Variants in FANCD2 observed in about 807,000 individuals in gnomAD.
FANCD2 encodes FA complementation group D2.
Under a neutral mutation model 192.3 loss-of-function variants are expected in FANCD2, and 131 were observed. The observed-to-expected ratio is 0.68, with a 90% CI of 0.59 to 0.79. The LOEUF (loss-of-function observed/expected upper bound fraction) is 0.79. FANCD2 is among the 30% of genes least tolerant of loss of function. The pLI, the probability that FANCD2 is intolerant of heterozygous loss-of-function variation, is 0.00. For missense variants in FANCD2, 1,508 were observed against 1,701.6 expected (o/e 0.89, Z 2.00); for synonymous variants, 524 against 612.5 (o/e 0.86, Z 2.13).
Position 10,096,450 on chromosome 3 carries a change from A to G in FANCD2, c.4163A>G (p.Asn1388Ser), listed in dbSNP as rs745472884. 12 of 1,614,044 alleles carry G rather than the reference A, an allele frequency of 7.4e-6. No homozygotes were observed. Among genetic ancestry groups the G allele is most frequent in the Admixed American group, 1.7e-5 (1 of 60,000 alleles). ...NNCREAFWLG[N>S]LKNRDLQGEE... ...TGTAGAGAGGCTTTCTGGCTGGGCA[A>G]TCTAAAAAACCGGGACTTGCAGGTA... Residue 1388 changes from asparagine (N) to serine (S), a missense_variant, in exon 42 of 44, where the codon AAT becomes AGT. Around this residue, in one of 5 missense-constraint regions of FANCD2, gnomAD observed 796 missense variants for 879.4 expected, o/e 0.91. Transcript: ENST00000675286.
chr3:10,078,823 C>T (rs929184355), intron 30 of FANCD2, among the ~76,000 whole-genome samples: 3 of 151,592 alleles, frequency 2.0e-5, no homozygotes, highest in Admixed American at 6.6e-5. Flanking sequence ...AAGAACTAGC[C>T]GGGCATGGTG....
chr3:10,035,316 T>C (rs2086701490), intron 6 of FANCD2, 83 bp downstream of exon 6: 3 of 1,200,570 alleles, frequency 2.5e-6, no homozygotes, highest in Non-Finnish European at 3.7e-6. Context: ...GAACACAGGA[T>C]AGAGTAGGGT....
chr3:10,035,222 G>C lies in FANCD2; in HGVS notation c.427G>C (p.Asp143His). The C allele has an allele frequency of 6.2e-7, 1 of 1,613,360 alleles. No homozygotes were observed. Among genetic ancestry groups the C allele is most frequent in the Non-Finnish European group, 8.5e-7 (1 of 1,179,498 alleles). Residue 143 changes from aspartate (D) to histidine (H), a missense_variant, in exon 6 of 44, where the codon GAC becomes CAC. Physicochemically the swap from Asp to His is moderately conservative, Grantham distance 81. Coordinates refer to ENST00000675286, the MANE Select transcript of FANCD2 (RefSeq NM_001018115.3). ...TCTCATCAAACTGCTTCTGGGGATT[G>C]ACATACTGCAGGTAAGACTGTCACT... Reference protein sequence around the residue: ...KSLIKLLLGIDILQPAIIKTL... With the variant: ...KSLIKLLLGIHILQPAIIKTL...
At position 10,049,452 on chromosome 3, in the gene FANCD2, G is replaced by A; in HGVS notation, c.1492G>A (p.Glu498Lys). 1.2e-6 allele frequency: 2 copies of A among 1,606,606 alleles called. No individual in the cohort carries two copies. Among genetic ancestry groups the A allele is most frequent in the East Asian group, 2.2e-5 (1 of 44,868 alleles). The change falls in exon 17 of 44, where the codon GAG (glutamate) becomes AAG (lysine). Residue 498 changes from glutamate (E) to lysine (K), a missense_variant. By Grantham distance (56) the Glu-to-Lys change is moderately conservative. Coordinates refer to ENST00000675286, the MANE Select transcript of FANCD2 (RefSeq NM_001018115.3). ...TGATACTGCCTTAGATGTCCTTCTA[G>A]AGTTGGTAGTGTTAAACCCATCTGC... Reference protein sequence around the residue: ...EVDTALDVLLELVVLNPSAMM... With the variant: ...EVDTALDVLLKLVVLNPSAMM...
chr3:10,075,728 C>CTTTT (rs71052292), intron 29 of FANCD2, among the ~76,000 whole-genome samples: 2,514 of 106,586 alleles, frequency 0.024, 221 homozygotes, highest in African/African-American at 0.089. Flanking sequence ...AAATAGTATC[C>CTTTT]TTTTTTTTTT....
chr3:10,096,936 A>C (rs1334726771), intron 42 of FANCD2, among the ~76,000 whole-genome samples: 1 of 152,108 alleles, frequency 6.6e-6, no homozygotes, highest in Non-Finnish European at 1.5e-5. Flanking sequence ...TATTTTCCTA[A>C]GTGTCAGCTG....
intron 42 of FANCD2, 68 bp from the exon 43 acceptor site, chr3:10,098,652 A>G (rs1046694316): frequency 3.2e-6 from 5 of 1,579,614 alleles, no homozygotes; most frequent in Non-Finnish European, 3.4e-6. Context: ...TGTAAACTCA[A>G]CCTTCTCCCC....
chr3:10,098,982 C>A, intron 43 of FANCD2, 167 bp downstream of exon 43: 2 of 1,614,002 alleles, frequency 1.2e-6, no homozygotes, highest in Non-Finnish European at 1.7e-6. Context: ...TTTTGGGACC[C>A]AGAAGAAACA....
rs777306543 is a variant in FANCD2, at chr3:10,043,547, G to T, written c.1053G>T (p.Lys351Asn). ...SCIILLFDVI[K>N]SAIRYEKTIS... ...TTATTCTCCTCTTTGATGTAATAAA[G>T]TCAGCTATTAGATATGAGAAAACCA... The change falls in exon 13 of 44, where the codon AAG (lysine) becomes AAT (asparagine). Residue 351 changes from lysine (K) to asparagine (N), a missense_variant. By Grantham distance (94) the Lys-to-Asn change is moderately conservative (BLOSUM62 0). Transcript: ENST00000675286. 3 of 1,613,864 alleles carry T rather than the reference G, an allele frequency of 1.9e-6. No individual in the cohort carries two copies. Among genetic ancestry groups the T allele is most frequent in the Non-Finnish European group, 2.5e-6 (3 of 1,179,788 alleles).
intron 27 of FANCD2, 132 bp from the exon 28 acceptor site, chr3:10,073,121 T>G: frequency 2.3e-6 from 2 of 861,102 alleles, no homozygotes; most frequent in South Asian, 2.9e-5. Context: ...ATAAATATAC[T>G]GTAATTTAGG....
At position 10,036,086 on chromosome 3, in the gene FANCD2, C is replaced by CTTTTTTTTTTTTTTTTTTTTTTTT. The variant is rs532765216; in HGVS notation, c.439-182_439-181insTTTTTTTTTTTTTTTTTTTTTTTT. Among the ~76,000 whole-genome samples, 446 of 102,500 alleles carry CTTTTTTTTTTTTTTTTTTTTTTTT rather than the reference C, an allele frequency of 4.4e-3. 41 individuals carry two copies. The highest frequency in any genetic ancestry group is 6.5e-3 in the African/African-American group (156 of 23,950). 67.2% of individuals were successfully genotyped at this position (102,500 alleles called of 152,430 possible). On this transcript the variant is annotated intron_variant, in intron 6 of 43. Coordinates refer to ENST00000675286, the MANE Select transcript of FANCD2 (RefSeq NM_001018115.3). Reference sequence around the variant, plus strand: ...TAGTTGGAAAGAGAATTATACATTTCTTTTTTTTTTTTTTTTTTTGAGTCA... The same window carrying CTTTTTTTTTTTTTTTTTTTTTTTT: ...TAGTTGGAAAGAGAATTATACATTTCTTTTTTTTTTTTTTTTTTTTTTTTTTTTTTTTTTTTTTTTTTTGAGTCA...
At chr3:10,057,034 T>C (rs1230228589) in intron 18 of FANCD2, among the ~76,000 whole-genome samples, 1 of 152,150 alleles carries the variant, frequency 6.6e-6, no homozygotes, top group Non-Finnish European at 1.5e-5. Context: ...TTTTATAATT[T>C]TGGTAGACAT....
intron 30 of FANCD2, among the ~76,000 whole-genome samples, chr3:10,078,599 C>T (rs1693659285): frequency 6.6e-6 from 1 of 151,776 alleles, no homozygotes; most frequent in Admixed American, 6.5e-5. Flanking sequence ...TGTGATCCGC[C>T]CACCTTGGCC....
intron 43 of FANCD2, chr3:10,099,753 G>A (rs752236696): frequency 2.0e-5 from 3 of 152,182 alleles, no homozygotes; most frequent in African/African-American, 4.8e-5. Flanking sequence ...GTGAGACTCC[G>A]TCTCAACAAC....
rs761258624 is a variant in FANCD2 at position 10,043,541 on chromosome 3, A to T, written c.1047A>T (p.Val349=). 6.2e-7 allele frequency: 1 copy of T among 1,613,930 alleles called. No individual in the cohort carries two copies. The change falls in exon 13 of 44, where the codon GTA becomes GTT. Residue 349 remains valine (V), a synonymous_variant. Coordinates refer to ENST00000675286, the MANE Select transcript of FANCD2 (RefSeq NM_001018115.3). The part of the protein sequence containing the change: ...GQSCIILLFD[V]IKSAIRYEKT... ...GCTGTATTATTCTCCTCTTTGATGT[A>T]ATAAAGTCAGCTATTAGATATGAGA...
At chr3:10,070,817 C>A (rs1217944970) in intron 26 of FANCD2, among the ~76,000 whole-genome samples, 1 of 147,352 alleles carries the variant, frequency 6.8e-6, no homozygotes, top group African/African-American at 2.5e-5. Flanking sequence ...TCCTGTTGAT[C>A]GGTGACCTTA....
chr3:10,040,275 A>T, intron 9 of FANCD2: 1 of 337,402 alleles, frequency 3.0e-6, no homozygotes, highest in South Asian at 2.4e-5. Flanking sequence ...TGACCTTGTG[A>T]TCCGCCCTCC....
intron 18 of FANCD2, among the ~76,000 whole-genome samples, chr3:10,056,326 G>C (rs956530704): frequency 6.6e-6 from 1 of 151,894 alleles, no homozygotes; most frequent in African/African-American, 2.4e-5. Context: ...AGTTTTTTAG[G>C]GTGTATATCT....
intron 36 of FANCD2, among the ~76,000 whole-genome samples, chr3:10,089,719 C>CG (rs1694468686): frequency 6.6e-6 from 1 of 152,168 alleles, no homozygotes; most frequent in Non-Finnish European, 1.5e-5. Flanking sequence ...CTGCCTGCCT[C>CG]GGCCTCTCAA....
Sources: allele counts gnomAD v4.1 joint callset (sites outside exome capture counted in the v4.1 genomes callset), GRCh38; gene constraint gnomAD v4.1.1; regional missense constraint gnomAD v4.1.1; transcripts MANE v1.5; gene names NCBI Gene and HGNC (gene_info 2026-07-23, HGNC 2026-07-21).